The following CTNNA3 variants were observed in gnomAD, a reference collection of about 807,000 sequenced individuals.
CTNNA3 encodes the protein catenin alpha-3.
A neutral mutation model predicts 95.7 loss-of-function variants in CTNNA3; 76 were observed. The ratio of observed to expected loss-of-function variants is 0.79; its 90% CI spans 0.66 to 0.96. The LOEUF is 0.96. Ranked by LOEUF, CTNNA3 falls within the 40% of genes least tolerant of loss-of-function variation. The probability of loss-of-function intolerance (pLI) is 0.00; values close to 1 mark genes in which losing one functional copy is unlikely to be tolerated. For missense variants in CTNNA3, 1,191 were observed against 1,089.8 expected (o/e 1.09, Z -1.31); for synonymous variants, 431 against 374.4 (o/e 1.15, Z -1.74).
At chr10:66,884,879 T>G (rs942889688) in intron 7 of CTNNA3, among the ~76,000 whole-genome samples, 1 of 152,040 alleles carries the variant, frequency 6.6e-6, no homozygotes, top group Non-Finnish European at 1.5e-5. Context: ...AGGCAAGTCA[T>G]AAGATATGAG....
intron 1 of CTNNA3, among the ~76,000 whole-genome samples, chr10:67,704,984 C>T (rs932994724): frequency 4.6e-5 from 7 of 152,116 alleles, no homozygotes; most frequent in East Asian, 1.9e-4. Context: ...AACAGACACT[C>T]CTCAAAAGAA....
chr10:66,089,792 G>A (rs2133687490), intron 14 of CTNNA3, among the ~76,000 whole-genome samples: 1 of 151,434 alleles, frequency 6.6e-6, no homozygotes, highest in African/African-American at 2.4e-5. Context: ...ATGTCATACT[G>A]TCACTAATAA....
chr10:66,590,915 G>A (rs1277098076), intron 10 of CTNNA3, among the ~76,000 whole-genome samples: 1 of 152,108 alleles, frequency 6.6e-6, no homozygotes. Flanking sequence ...CATCAAAGTT[G>A]TTTGTGGAAT....
At chr10:66,960,631 T>C (rs893509642) in intron 7 of CTNNA3, among the ~76,000 whole-genome samples, 1 of 152,202 alleles carries the variant, frequency 6.6e-6, no homozygotes, top group African/African-American at 2.4e-5. Flanking sequence ...TGTGAACATA[T>C]TCCATCTTTG....
At chr10:66,341,135 T>C (rs1002450452) in intron 12 of CTNNA3, among the ~76,000 whole-genome samples, 6 of 151,884 alleles carry the variant, frequency 4.0e-5, no homozygotes, top group Non-Finnish European at 1.5e-5. Flanking sequence ...GATTCAAATA[T>C]TCTCATGGAT....
At position 66,297,512 on chromosome 10, in the gene CTNNA3, C is replaced by T. The variant is rs182315494; in HGVS notation, c.1733-16891G>A. On this transcript the variant is annotated intron_variant, in intron 12 of 17. Transcript: ENST00000433211. ...TACCAAAAGTACCCTGTCTTTTGCC[C>T]TCTCTTCTGAGAGAAACATTGCATT... Among the ~76,000 whole-genome samples, 9 of 152,226 alleles carry T rather than the reference C, an allele frequency of 5.9e-5. No individual in the cohort carries two copies. In the East Asian group the frequency reaches 1.5e-3, roughly 26 times the overall value.
chr10:67,230,821 C>G (rs945648352), intron 5 of CTNNA3, among the ~76,000 whole-genome samples: 2 of 152,138 alleles, frequency 1.3e-5, no homozygotes, highest in Non-Finnish European at 2.9e-5. Context: ...GTGCACACAC[C>G]GTGCGCGAGC....
intron 7 of CTNNA3, among the ~76,000 whole-genome samples, chr10:66,920,111 T>C (rs1157860024): frequency 6.6e-6 from 1 of 152,216 alleles, no homozygotes; most frequent in Non-Finnish European, 1.5e-5. Context: ...TAACCCTTAA[T>C]ATATGCTCAT....
At chr10:67,577,722 G>GTGTATATATATATAATA (rs1554856328) in intron 3 of CTNNA3, among the ~76,000 whole-genome samples, 2 of 146,668 alleles carry the variant, frequency 1.4e-5, no homozygotes, top group Non-Finnish European at 3.0e-5. Flanking sequence ...GTGTGTGTGT[G>GTGTATATATATATAATA]TATATATACT....
At chr10:66,685,482 C>T (rs1847263917) in intron 9 of CTNNA3, among the ~76,000 whole-genome samples, 1 of 145,626 alleles carries the variant, frequency 6.9e-6, no homozygotes, top group South Asian at 2.2e-4. Flanking sequence ...TCGCCATTCT[C>T]CTGCCTCAGC....
At chr10:66,309,617 C>T (rs1299624216) in intron 12 of CTNNA3, among the ~76,000 whole-genome samples, 1 of 126,094 alleles carries the variant, frequency 7.9e-6, no homozygotes. Flanking sequence ...ACCCGGGAGG[C>T]GGAGCTTGCA....
intron 9 of CTNNA3, among the ~76,000 whole-genome samples, chr10:66,626,683 G>T (rs2132331387): frequency 1.3e-5 from 2 of 151,936 alleles, no homozygotes; most frequent in African/African-American, 4.8e-5. Flanking sequence ...AATAAAATGG[G>T]GCCTACAAAA....
chr10:67,455,576 G>A (rs1686566709), intron 5 of CTNNA3, among the ~76,000 whole-genome samples: 1 of 152,116 alleles, frequency 6.6e-6, no homozygotes, highest in South Asian at 2.1e-4. Context: ...TATCATCATT[G>A]ATAAGTCATG....
intron 12 of CTNNA3, among the ~76,000 whole-genome samples, chr10:66,321,525 A>C (rs2092185369): frequency 6.6e-6 from 1 of 152,148 alleles, no homozygotes; most frequent in African/African-American, 2.4e-5. Flanking sequence ...AGTTATTCTC[A>C]ACAATTCCAC....
At chr10:67,757,861 A>G (rs1379461325) in intron 1 of CTNNA3, among the ~76,000 whole-genome samples, 4 of 152,162 alleles carry the variant, frequency 2.6e-5, no homozygotes, top group Admixed American at 2.6e-4. Flanking sequence ...ATATACGTCT[A>G]TCCTATTAGT....
chr10:66,736,329 G>C (rs990930765), intron 9 of CTNNA3, among the ~76,000 whole-genome samples: 5 of 151,684 alleles, frequency 3.3e-5, no homozygotes, highest in Admixed American at 1.3e-4. Flanking sequence ...GGGACTACAG[G>C]CGCACGCCGC....
intron 1 of CTNNA3, among the ~76,000 whole-genome samples, chr10:67,706,926 T>G (rs1841081970): frequency 6.6e-6 from 1 of 152,152 alleles, no homozygotes; most frequent in African/African-American, 2.4e-5. Context: ...AAAAAGGAGC[T>G]CTTGATTTTT....
At chr10:66,983,179 G>A (rs762318326) in intron 7 of CTNNA3, among the ~76,000 whole-genome samples, 2 of 152,160 alleles carry the variant, frequency 1.3e-5, no homozygotes, top group Non-Finnish European at 2.9e-5. Flanking sequence ...AAACACTGCA[G>A]TGTCTACAGC....
chr10:66,464,775 A>AAT (rs1838836025), intron 11 of CTNNA3, among the ~76,000 whole-genome samples: 1 of 151,944 alleles, frequency 6.6e-6, no homozygotes, highest in African/African-American at 2.4e-5. Flanking sequence ...AATAAAAAAA[A>AAT]AAACAAAAAC....
Sources: allele counts gnomAD v4.1 joint callset (sites outside exome capture counted in the v4.1 genomes callset), GRCh38; gene constraint gnomAD v4.1.1; transcripts MANE v1.5; gene names NCBI Gene and HGNC (gene_info 2026-07-23, HGNC 2026-07-21).